ZNF407: variants seen among roughly 807,000 people sequenced by gnomAD.
The protein encoded by ZNF407 is zinc finger protein 407.
In ZNF407, 17 loss-of-function variants were observed where a neutral mutation model predicts 131.2. The ratio of observed to expected loss-of-function variants is 0.13; its 90% CI spans 0.09 to 0.19. ZNF407 has a LOEUF of 0.19. ZNF407 is among the 10% of genes least tolerant of loss of function. The pLI, the probability that ZNF407 is intolerant of heterozygous loss-of-function variation, is 1.00. For missense variants in ZNF407, 2,681 were observed against 2,830.6 expected (o/e 0.95, Z 1.20); for synonymous variants, 1,156 against 1,062.0 (o/e 1.09, Z -1.72).
At position 75,001,112 on chromosome 18, in the gene ZNF407, G is replaced by A. The variant is rs138392772; in HGVS notation, c.5429-62038G>A. 1.3e-3 allele frequency among the ~76,000 whole-genome samples: 203 copies of A among 152,260 alleles called. 1 individual carries two copies. Among genetic ancestry groups the A allele is most frequent in the African/African-American group, 4.5e-3 (186 of 41,564 alleles). On this transcript the variant is annotated intron_variant, in intron 8 of 8. Coordinates refer to ENST00000299687, the MANE Select transcript of ZNF407 (RefSeq NM_017757.3). ...CACCAGAAGCTGAGCTTTCAGGGCC[G>A]GAGCCCAGCCTCCGCAGTGTTTGTT...
At chr18:74,879,113 T>G (rs1178161143) in intron 5 of ZNF407, among the ~76,000 whole-genome samples, 1 of 151,844 alleles carries the variant, frequency 6.6e-6, no homozygotes, top group African/African-American at 2.4e-5. Flanking sequence ...GGAATAAAAA[T>G]ATATAAAGCA....
At position 74,633,080 on chromosome 18, in the gene ZNF407, G is replaced by A; in HGVS notation, c.2061G>A (p.Leu687=). The A allele has an allele frequency of 6.2e-7, 1 of 1,613,944 alleles. No individual in the cohort carries two copies. The highest frequency in any genetic ancestry group is 1.3e-5 in the African/African-American group (1 of 75,038). The change falls in exon 2 of 9, where the codon CTG becomes CTA. Residue 687 remains leucine (L), a synonymous_variant. Transcript: ENST00000299687. The part of the protein sequence containing the change: ...DSGKASQEEP[L]KSRVSHGNEV... ...GAAAAGCATCTCAGGAAGAACCTCTGAAGTCCAGGGTAAGCCATGGTAATG... is the reference window on the plus strand; with the variant it reads ...GAAAAGCATCTCAGGAAGAACCTCTAAAGTCCAGGGTAAGCCATGGTAATG...
intron 8 of ZNF407, among the ~76,000 whole-genome samples, chr18:75,004,462 C>T (rs1972883888): frequency 6.6e-6 from 1 of 152,156 alleles, no homozygotes; most frequent in South Asian, 2.1e-4. Flanking sequence ...CCCGTGCCAC[C>T]GAAAGGAAAG....
chr18:74,884,931 A>G (rs1343592877), intron 6 of ZNF407, among the ~76,000 whole-genome samples: 1 of 152,276 alleles, frequency 6.6e-6, no homozygotes, highest in East Asian at 1.9e-4. Context: ...ATCTATGAAA[A>G]ATGAATAGTT....
In ZNF407 at chr18:75,015,340, C is replaced by T. The variant is rs547198606; in HGVS notation, c.5429-47810C>T. Among the ~76,000 whole-genome samples, 3 of 151,606 alleles carry T rather than the reference C, an allele frequency of 2.0e-5. No individual in the cohort carries two copies. In the South Asian group the frequency reaches 6.2e-4, roughly 32 times the overall value. ...ATTATACTTATTGAAATTTAACACT[C>T]ATATACCATTTGAAAACAAGAAGAC... On this transcript the variant is annotated intron_variant, in intron 8 of 8. Transcript: ENST00000299687.
intron 8 of ZNF407, among the ~76,000 whole-genome samples, chr18:74,995,048 T>G (rs1207502367): frequency 6.6e-6 from 1 of 152,254 alleles, no homozygotes; most frequent in Non-Finnish European, 1.5e-5. Context: ...TGTATTTTCT[T>G]TCTCTGACTT....
chr18:74,692,036 A>G (rs780649164), intron 3 of ZNF407, among the ~76,000 whole-genome samples: 3 of 152,034 alleles, frequency 2.0e-5, no homozygotes, highest in Non-Finnish European at 4.4e-5. Flanking sequence ...CGAGGCTGCA[A>G]TGAGCTGTGG....
intron 3 of ZNF407, among the ~76,000 whole-genome samples, chr18:74,667,829 G>A (rs1362248975): frequency 3.9e-5 from 6 of 152,118 alleles, no homozygotes; most frequent in Admixed American, 1.3e-4. Context: ...ACATCTGAAG[G>A]GGCCATTTTC....
intron 8 of ZNF407, among the ~76,000 whole-genome samples, chr18:75,010,550 ACAAT>A (rs1252104425): frequency 1.3e-5 from 2 of 152,188 alleles, no homozygotes; most frequent in African/African-American, 4.8e-5. Context: ...AGCTGCTTAC[ACAAT>A]CAGATATGGT....
intron 8 of ZNF407, among the ~76,000 whole-genome samples, chr18:75,038,612 A>G (rs1423025858): frequency 6.6e-6 from 1 of 152,246 alleles, no homozygotes; most frequent in Non-Finnish European, 1.5e-5. Flanking sequence ...GGGAAGCACC[A>G]TGCAAGAACA....
chr18:75,010,658 C>G (rs1181852854), intron 8 of ZNF407, among the ~76,000 whole-genome samples: 1 of 152,166 alleles, frequency 6.6e-6, no homozygotes, highest in Non-Finnish European at 1.5e-5. Context: ...GCCCCAGACA[C>G]TTTTACTATA....
intron 8 of ZNF407, among the ~76,000 whole-genome samples, chr18:75,006,313 T>C (rs1022357931): frequency 6.6e-6 from 1 of 152,262 alleles, no homozygotes; most frequent in Non-Finnish European, 1.5e-5. Flanking sequence ...ATTTATTTTC[T>C]GCCTTTTACT....
chr18:74,760,938 AG>A (rs1969081315), intron 3 of ZNF407, among the ~76,000 whole-genome samples: 1 of 152,128 alleles, frequency 6.6e-6, no homozygotes, highest in South Asian at 2.1e-4. Flanking sequence ...GTTGGTAAAA[AG>A]TTGCTTTTTC....
chr18:75,009,809 A>G (rs140522230), intron 8 of ZNF407, among the ~76,000 whole-genome samples: 109 of 152,310 alleles, frequency 7.2e-4, no homozygotes, highest in Middle Eastern at 3.4e-3. Flanking sequence ...CCAGAACCCA[A>G]GTCTTAACCC....
chr18:74,752,175 T>C (rs1398920457), intron 3 of ZNF407, among the ~76,000 whole-genome samples: 1 of 152,148 alleles, frequency 6.6e-6, no homozygotes, highest in African/African-American at 2.4e-5. Context: ...TGTCTTTTTT[T>C]GAGACGTTTC....
At chr18:74,793,542 T>C (rs1201361456) in intron 4 of ZNF407, among the ~76,000 whole-genome samples, 1 of 152,210 alleles carries the variant, frequency 6.6e-6, no homozygotes, top group Non-Finnish European at 1.5e-5. Context: ...TTGTTGAATG[T>C]TGAAAGATGG....
At chr18:74,708,537 GGACTAGTGAA>G (rs910294964) in intron 3 of ZNF407, among the ~76,000 whole-genome samples, 5 of 149,608 alleles carry the variant, frequency 3.3e-5, no homozygotes, top group African/African-American at 1.3e-4. Flanking sequence ...TGTATTCCTG[GGACTAGTGAA>G]GACCCAAAGA....
intron 8 of ZNF407, among the ~76,000 whole-genome samples, chr18:75,009,201 C>G (rs1972946048): frequency 6.6e-6 from 1 of 152,074 alleles, no homozygotes; most frequent in Non-Finnish European, 1.5e-5. Context: ...CCAGCTTTTC[C>G]TATGTAGTCA....
At chr18:74,897,839 G>T (rs568235720) in intron 7 of ZNF407, among the ~76,000 whole-genome samples, 13 of 152,180 alleles carry the variant, frequency 8.5e-5, no homozygotes, top group Non-Finnish European at 1.6e-4. Context: ...GGGGTTGGAT[G>T]TAGACTCAGC....
Sources: allele counts gnomAD v4.1 joint callset (sites outside exome capture counted in the v4.1 genomes callset), GRCh38; gene constraint gnomAD v4.1.1; transcripts MANE v1.5; gene names NCBI Gene and HGNC (gene_info 2026-07-23, HGNC 2026-07-21).